The following SLC39A8 variants were observed in gnomAD, a reference collection of about 807,000 sequenced individuals.
SLC39A8 encodes metal cation symporter ZIP8.
A neutral mutation model predicts 40.4 loss-of-function variants in SLC39A8; 15 were observed. The observed-to-expected ratio is 0.37, with a 90% CI of 0.25 to 0.57. The LOEUF is 0.57. Among genes scored for constraint, SLC39A8 ranks in the 20% least tolerant of loss-of-function variants. SLC39A8 has a pLI of 0.75. For missense variants in SLC39A8, 472 were observed against 558.8 expected, an observed-to-expected ratio of 0.84 and a Z score of 1.57; for synonymous variants, 223 against 221.6, an observed-to-expected ratio of 1.01 and a Z score of -0.06.
In SLC39A8 at chr4:102,261,915, A is replaced by C. The variant is rs1017236015; in HGVS notation, c.*1129T>G. ...AATCTAGGATGTTCAATTTTAGACC[A>C]ATTTTCTCTATCTTCTAAATGAGTA... On this transcript the variant is annotated 3_prime_UTR_variant, in exon 9 of 9. Transcript: ENST00000356736. 2.0e-5 allele frequency: 20 copies of C among 985,804 alleles called. No individual in the cohort carries two copies. The highest frequency in any genetic ancestry group is 2.4e-5 in the Non-Finnish European group (20 of 829,916). The allele number at this position is 985,804 out of a possible 1,614,324, so 61.1% of individuals were successfully genotyped here.
intron 2 of SLC39A8, among the ~76,000 whole-genome samples, chr4:102,316,138 C>T (rs1259805196): frequency 1.3e-5 from 2 of 152,046 alleles, no homozygotes; most frequent in Non-Finnish European, 2.9e-5. Flanking sequence ...CAACACCATT[C>T]AAACAAAGGG....
intron 6 of SLC39A8, among the ~76,000 whole-genome samples, chr4:102,279,902 G>T (rs1462577763): frequency 2.6e-5 from 4 of 152,118 alleles, no homozygotes; most frequent in Non-Finnish European, 5.9e-5. Flanking sequence ...AGAGAAAAGT[G>T]GTAGAGTATT....
intron 6 of SLC39A8, among the ~76,000 whole-genome samples, chr4:102,289,773 A>C (rs892168936): frequency 6.6e-6 from 1 of 152,194 alleles, no homozygotes; most frequent in Non-Finnish European, 1.5e-5. Context: ...GAATTGCTGC[A>C]ATCTCATGAT....
rs148751927 is a variant in SLC39A8, at chr4:102,265,626, T to C, written c.1233+1864A>G. On this transcript the variant is annotated intron_variant, in intron 8 of 8. Coordinates refer to ENST00000356736, the MANE Select transcript of SLC39A8 (RefSeq NM_001135146.2). ...ATTTACAAAGTGCATCAAAGCAATG[T>C]GCAATAAAACAAGGTGCTCCTGTAA... 7.2e-5 allele frequency among the ~76,000 whole-genome samples: 11 copies of C among 152,302 alleles called. No homozygotes were observed. The East Asian group carries it at 1.7e-3, about 24-fold the overall frequency.
intron 6 of SLC39A8, among the ~76,000 whole-genome samples, chr4:102,294,619 T>C (rs907012309): frequency 2.6e-5 from 4 of 152,020 alleles, no homozygotes; most frequent in Admixed American, 2.0e-4. Context: ...CAACCTGTCT[T>C]TACTTTATTT....
chr4:102,275,467 C>A (rs896026620), intron 6 of SLC39A8, among the ~76,000 whole-genome samples: 1 of 152,070 alleles, frequency 6.6e-6, no homozygotes, highest in Non-Finnish European at 1.5e-5. Flanking sequence ...AATACAGGAG[C>A]ACCCAGATTC....
Position 102,336,099 on chromosome 4 carries a change from G to A in SLC39A8, c.219+8345C>T, listed in dbSNP as rs185875250. ...TCTTTTGTATTACGTATTATTGGAA[G>A]CAATATAGGTAATGGAAAAAAGTCT... On this transcript the variant is annotated intron_variant, in intron 2 of 8. Transcript: ENST00000356736. Among the ~76,000 whole-genome samples, 22 of 152,246 alleles carry A rather than the reference G, an allele frequency of 1.4e-4. No individual in the cohort carries two copies. The East Asian group carries it at 4.2e-3, about 29-fold the overall frequency.
chr4:102,315,451 T>C (rs993264788), intron 3 of SLC39A8, among the ~76,000 whole-genome samples: 8 of 151,982 alleles, frequency 5.3e-5, no homozygotes, highest in Admixed American at 2.0e-4. Context: ...GTGTACTAAA[T>C]GTAATTTTGA....
At chr4:102,306,706 G>A (rs1578597108) in intron 4 of SLC39A8, among the ~76,000 whole-genome samples, 1 of 151,768 alleles carries the variant, frequency 6.6e-6, no homozygotes, top group Admixed American at 6.6e-5. Context: ...CCCCTTTGTG[G>A]ATCCCTTCTA....
In SLC39A8 at chr4:102,344,900, C is replaced by G; in HGVS notation, c.-238G>C. On this transcript the variant is annotated 5_prime_UTR_variant, in exon 2 of 9. Coordinates refer to ENST00000356736, the MANE Select transcript of SLC39A8 (RefSeq NM_001135146.2). ...GGAGCGATAGGCGGAGTGGGCCCCC[C>G]GGCCTCCTGGAGAGCCTGAGATAAA... is the stretch of plus-strand genomic sequence containing the variant. 3 of 1,295,412 alleles carry G rather than the reference C, an allele frequency of 2.3e-6. No individual in the cohort carries two copies. Among genetic ancestry groups the G allele is most frequent in the South Asian group, 2.4e-5 (1 of 41,688 alleles). The allele number at this position is 1,295,412 out of a possible 1,614,324, so 80.2% of individuals were successfully genotyped here. A position where few individuals can be genotyped will look rare whatever the true frequency, so the allele number is the denominator to read the frequency against.
intron 2 of SLC39A8, among the ~76,000 whole-genome samples, chr4:102,335,607 G>A (rs1301583718): frequency 1.3e-5 from 2 of 152,140 alleles, no homozygotes; most frequent in Non-Finnish European, 2.9e-5. Flanking sequence ...CCAATCTGGG[G>A]CAAAAATAAT....
chr4:102,333,585 A>G (rs929751201), intron 2 of SLC39A8, among the ~76,000 whole-genome samples: 2 of 152,220 alleles, frequency 1.3e-5, no homozygotes, highest in African/African-American at 4.8e-5. Context: ...CAGGAATACC[A>G]AAAGGTTTTG....
chr4:102,281,375 C>T (rs1409385454), intron 6 of SLC39A8, among the ~76,000 whole-genome samples: 1 of 152,070 alleles, frequency 6.6e-6, no homozygotes, highest in Non-Finnish European at 1.5e-5. Context: ...AAACCAACCC[C>T]GTGCAGCAGC....
intron 2 of SLC39A8, among the ~76,000 whole-genome samples, 167 bp from the exon 3 acceptor site, chr4:102,315,997 C>A (rs1434657374): frequency 1.3e-5 from 2 of 151,104 alleles, no homozygotes; most frequent in Non-Finnish European, 1.5e-5. Flanking sequence ...CAGCCCACAC[C>A]AGTTTAAACC....
intron 6 of SLC39A8, among the ~76,000 whole-genome samples, chr4:102,283,595 C>T (rs1733006418): frequency 7.2e-6 from 1 of 138,188 alleles, no homozygotes; most frequent in African/African-American, 2.5e-5. Flanking sequence ...AGAAAAAAAA[C>T]ACCATCCTAG....
chr4:102,278,638 G>A (rs1205401362), intron 6 of SLC39A8, among the ~76,000 whole-genome samples: 1 of 151,890 alleles, frequency 6.6e-6, no homozygotes, highest in East Asian at 1.9e-4. Context: ...CCTATTACTG[G>A]GTATATACCC....
chr4:102,309,594 C>T (rs1387615389), intron 3 of SLC39A8, among the ~76,000 whole-genome samples: 2 of 152,196 alleles, frequency 1.3e-5, no homozygotes, highest in African/African-American at 4.8e-5. Flanking sequence ...TACATGCCTT[C>T]ATTCATTCAA....
chr4:102,323,633 A>T (rs564444506), intron 2 of SLC39A8, among the ~76,000 whole-genome samples: 8 of 152,382 alleles, frequency 5.2e-5, no homozygotes, highest in South Asian at 2.1e-4. Context: ...TATGCTTAAC[A>T]CGTATAACCT....
intron 2 of SLC39A8, among the ~76,000 whole-genome samples, chr4:102,343,597 C>T (rs1055034962): frequency 1.3e-5 from 2 of 152,166 alleles, no homozygotes; most frequent in South Asian, 4.1e-4. Flanking sequence ...TGGAAGGATG[C>T]AGAAACTACA....
Sources: allele counts gnomAD v4.1 joint callset (sites outside exome capture counted in the v4.1 genomes callset), GRCh38; gene constraint gnomAD v4.1.1; transcripts MANE v1.5; gene names NCBI Gene and HGNC (gene_info 2026-07-23, HGNC 2026-07-21).